Variants in SLC22A24 observed in about 807,000 individuals in gnomAD.
SLC22A24 encodes steroid transmembrane transporter SLC22A24.
In SLC22A24, 53 loss-of-function variants were observed where a neutral mutation model predicts 49.8. That is an observed-to-expected ratio of 1.06 (90% confidence interval 0.85 to 1.34). SLC22A24 has a LOEUF of 1.34. SLC22A24 is among the 40% of genes most tolerant of loss of function. The pLI is 0.00. For synonymous variants in SLC22A24, 302 were observed against 256.4 expected (o/e 1.18, Z -1.70); for missense variants, 786 against 675.9 (o/e 1.16, Z -1.81).
intron 4 of SLC22A24, among the ~76,000 whole-genome samples, chr11:63,108,250 A>T (rs1490192824): frequency 6.6e-6 from 1 of 152,166 alleles, no homozygotes; most frequent in African/African-American, 2.4e-5. Flanking sequence ...TGATTTGCAT[A>T]TGCCGAACCA....
chr11:63,127,460 G>A (rs2087299876), intron 2 of SLC22A24, among the ~76,000 whole-genome samples: 2 of 152,196 alleles, frequency 1.3e-5, no homozygotes, highest in Admixed American at 6.5e-5. Context: ...TGTCTTTAGA[G>A]TAGCATGATT....
In SLC22A24 at chr11:63,096,061, T is replaced by C; in HGVS notation, c.1000A>G (p.Lys334Glu). 1.3e-6 allele frequency: 2 copies of C among 1,550,936 alleles called. No homozygotes were observed. The highest frequency in any genetic ancestry group is 2.0e-5 in the Admixed American group (1 of 50,968). Residue 334 changes from lysine (K) to glutamate (E), a missense_variant, in exon 6 of 10, where the codon AAA (lysine) becomes GAA (glutamate). Coordinates refer to ENST00000612278, the MANE Select transcript of SLC22A24 (RefSeq NM_001136506.2). ...MKKELDAVRI[K>E]TSIFSLFRAP... ...CGGAACAGGGAAAAAATGGATGTTT[T>C]AATTCGGACTGCATCCAACTCCTTC...
chr11:63,094,551 G>C (rs183264725), intron 6 of SLC22A24, among the ~76,000 whole-genome samples: 1 of 151,924 alleles, frequency 6.6e-6, no homozygotes, highest in Non-Finnish European at 1.5e-5. Context: ...CTGAGGAATC[G>C]CCACACTGAC....
At position 63,104,194 on chromosome 11, in the gene SLC22A24, T is replaced by A; in HGVS notation, c.935A>T (p.Glu312Val). 1 of 1,550,218 alleles carries A rather than the reference T, an allele frequency of 6.5e-7. No homozygotes were observed. The highest frequency in any genetic ancestry group is 8.7e-7 in the Non-Finnish European group (1 of 1,146,850). Residue 312 changes from glutamate to valine, a missense_variant, in exon 5 of 10, where the codon GAA (glutamate) becomes GTA (valine). Transcript: ENST00000612278. ...VAHINGKKNTEETLTTELVRS... is the reference protein window; with the variant it reads ...VAHINGKKNTVETLTTELVRS... ...GATCACCTCAGTGGTCAGTGTCTCT[T>A]CAGTATTCTTTTTTCCATTTATGTG...
intron 1 of SLC22A24, among the ~76,000 whole-genome samples, chr11:63,137,092 C>T (rs2087380681): frequency 6.6e-6 from 1 of 151,826 alleles, no homozygotes; most frequent in Non-Finnish European, 1.5e-5. Flanking sequence ...TTTGTAGCTC[C>T]ACCACAGGGT....
chr11:63,139,776 T>C (rs1413002032), intron 1 of SLC22A24, among the ~76,000 whole-genome samples: 1 of 152,210 alleles, frequency 6.6e-6, no homozygotes, highest in Non-Finnish European at 1.5e-5. Context: ...CCTTCAGCTG[T>C]GATTAGGCCC....
intron 4 of SLC22A24, among the ~76,000 whole-genome samples, chr11:63,106,676 C>T (rs1437583372): frequency 6.8e-6 from 1 of 147,056 alleles, no homozygotes; most frequent in Non-Finnish European, 1.5e-5. Context: ...TCTCTGATGG[C>T]CAGTGATGAT....
chr11:63,093,009 C>A (rs1372713562), intron 6 of SLC22A24, among the ~76,000 whole-genome samples: 2 of 151,934 alleles, frequency 1.3e-5, no homozygotes, highest in African/African-American at 4.8e-5. Flanking sequence ...AAACAAACAA[C>A]CCCATCAAAA....
At chr11:63,102,201 T>C in intron 5 of SLC22A24, among the ~76,000 whole-genome samples, 1 of 152,222 alleles carries the variant, frequency 6.6e-6, no homozygotes, top group Admixed American at 6.5e-5. Flanking sequence ...ATATTTCACA[T>C]ACCCCATAAA....
chr11:63,093,031 G>A (rs750208793), intron 6 of SLC22A24, among the ~76,000 whole-genome samples: 1 of 152,012 alleles, frequency 6.6e-6, no homozygotes, highest in Non-Finnish European at 1.5e-5. Flanking sequence ...GTGGGCAAAG[G>A]ACATGAGCAG....
At chr11:63,127,608 G>T (rs1327079028) in intron 2 of SLC22A24, among the ~76,000 whole-genome samples, 7 of 152,130 alleles carry the variant, frequency 4.6e-5, no homozygotes, top group Non-Finnish European at 1.5e-5. Context: ...GTGTAAAAGT[G>T]TTCCTATTTC....
rs1438785880 is a variant in SLC22A24 at position 63,104,172 on chromosome 11, C to T, written c.954+3G>A. 1.3e-6 allele frequency: 2 copies of T among 1,548,954 alleles called. No individual in the cohort carries two copies. Among genetic ancestry groups the T allele is most frequent in the Admixed American group, 2.0e-5 (1 of 50,958 alleles). Reference sequence around the variant, plus strand: ...CAGCAATCATTTCCCCTTTCCAGATCACCTCAGTGGTCAGTGTCTCTTCAG... The same window carrying T: ...CAGCAATCATTTCCCCTTTCCAGATTACCTCAGTGGTCAGTGTCTCTTCAG... On this transcript the variant is annotated splice_donor_region_variant and intron_variant, in intron 5 of 9. Transcript: ENST00000612278.
intron 4 of SLC22A24, among the ~76,000 whole-genome samples, chr11:63,114,436 T>C (rs1316302654): frequency 6.6e-6 from 1 of 152,196 alleles, no homozygotes; most frequent in Admixed American, 6.5e-5. Flanking sequence ...AGGTCTTCTC[T>C]ACACTGTTTA....
At chr11:63,106,689 G>A (rs989918384) in intron 4 of SLC22A24, among the ~76,000 whole-genome samples, 15 of 88,512 alleles carry the variant, frequency 1.7e-4, no homozygotes, top group Non-Finnish European at 3.6e-4. Flanking sequence ...GTGATGATGA[G>A]CATTTTTTCA....
chr11:63,112,290 T>G (rs904034374), intron 4 of SLC22A24, among the ~76,000 whole-genome samples: 1 of 152,200 alleles, frequency 6.6e-6, no homozygotes, highest in African/African-American at 2.4e-5. Flanking sequence ...AATTTTGGAA[T>G]AAGTGTGGTG....
chr11:63,092,649 C>T (rs1252006736), intron 6 of SLC22A24, among the ~76,000 whole-genome samples: 1 of 148,716 alleles, frequency 6.7e-6, no homozygotes, highest in Non-Finnish European at 1.5e-5. Flanking sequence ...ATGCAGAAAA[C>T]AGAAACTGGA....
chr11:63,115,782 C>G, intron 4 of SLC22A24: 1 of 168,870 alleles, frequency 5.9e-6, no homozygotes, highest in Non-Finnish European at 1.3e-5. Context: ...TTTACTTGTA[C>G]AAATAGCACC....
chr11:63,110,329 G>T (rs947040028), intron 4 of SLC22A24, among the ~76,000 whole-genome samples: 1 of 152,074 alleles, frequency 6.6e-6, no homozygotes, highest in Non-Finnish European at 1.5e-5. Context: ...TTGGCAATGC[G>T]GGCTCTTTTT....
At position 63,081,658 on chromosome 11, in the gene SLC22A24, T is replaced by G; in HGVS notation, c.1294A>C (p.Ile432Leu). ...VNTFLPQEMQ[I>L]LRVVLATLGI... ...AAAGTTGCTAAAACCACACGCAGGA[T>G]CTGCATTTCTAGAGAGAACAGTGAG... The change falls in exon 8 of 10, where the codon ATC becomes CTC. Residue 432 changes from isoleucine to leucine, a missense_variant. Physicochemically the swap from Ile to Leu is conservative, Grantham distance 5 (BLOSUM62 2). Coordinates refer to ENST00000612278, the MANE Select transcript of SLC22A24 (RefSeq NM_001136506.2). 1.3e-6 allele frequency: 2 copies of G among 1,549,570 alleles called. No homozygotes were observed. Among genetic ancestry groups the G allele is most frequent in the Non-Finnish European group, 1.7e-6 (2 of 1,145,072 alleles).
Sources: gnomAD v4.1 joint callset for allele counts (sites outside exome capture counted in the v4.1 genomes callset) on GRCh38, gnomAD v4.1.1 for gene constraint, MANE v1.5 for transcripts, NCBI Gene and HGNC (gene_info 2026-07-23, HGNC 2026-07-21) for gene names.